CCDC126: variants seen among roughly 807,000 people sequenced by gnomAD.
CCDC126 encodes coiled-coil domain-containing protein 126.
In CCDC126, 5 loss-of-function variants were observed where a neutral mutation model predicts 11.7. The ratio of observed to expected loss-of-function variants is 0.43; its 90% confidence interval spans 0.22 to 0.90. The LOEUF is 0.90. CCDC126 is among the 40% of genes least tolerant of loss of function. CCDC126 has a pLI of 0.27. For missense variants in CCDC126, 150 were observed against 163.1 expected, an observed-to-expected ratio of 0.92 and a Z score of 0.44; for synonymous variants, 60 against 61.9, an observed-to-expected ratio of 0.97 and a Z score of 0.14.
chr7:23,617,145 C>A (rs368303858), intron 3 of CCDC126, among the ~76,000 whole-genome samples: 1 of 151,582 alleles, frequency 6.6e-6, no homozygotes, highest in African/African-American at 2.4e-5. Context: ...GTTAGGAGTT[C>A]GAGACCAGCC....
chr7:23,624,410 T>A (rs1584207910), intron 3 of CCDC126, among the ~76,000 whole-genome samples: 1 of 152,200 alleles, frequency 6.6e-6, no homozygotes, highest in Non-Finnish European at 1.5e-5. Flanking sequence ...CTCAAAGTGC[T>A]GGGATTACAG....
intron 2 of CCDC126, among the ~76,000 whole-genome samples, chr7:23,599,747 T>G (rs1349006595): frequency 2.6e-5 from 4 of 152,042 alleles, no homozygotes; most frequent in African/African-American, 9.7e-5. Flanking sequence ...GTGTGAGCCC[T>G]GGAGCCCGGC....
chr7:23,642,156 C>T (rs1318368986), intron 3 of CCDC126, among the ~76,000 whole-genome samples: 1 of 152,014 alleles, frequency 6.6e-6, no homozygotes, highest in Non-Finnish European at 1.5e-5. Flanking sequence ...GGACCACGGG[C>T]GCATGCCACC....
At chr7:23,602,862 C>T (rs974639685) in intron 2 of CCDC126, among the ~76,000 whole-genome samples, 6 of 151,928 alleles carry the variant, frequency 3.9e-5, no homozygotes, top group Admixed American at 1.3e-4. Context: ...TTTGTTGTCC[C>T]GTTCCTATTA....
At chr7:23,627,193 T>C (rs1483871224) in intron 3 of CCDC126, among the ~76,000 whole-genome samples, 3 of 152,138 alleles carry the variant, frequency 2.0e-5, no homozygotes, top group Non-Finnish European at 4.4e-5. Flanking sequence ...GCTTTCCTCT[T>C]TATCAGTGTA....
At chr7:23,634,165 G>T (rs1783162969) in intron 3 of CCDC126, among the ~76,000 whole-genome samples, 1 of 152,198 alleles carries the variant, frequency 6.6e-6, no homozygotes, top group South Asian at 2.1e-4. Context: ...ATAAAGTACG[G>T]CCAGGCCTGA....
In CCDC126 at chr7:23,611,323, T is replaced by C. The variant is rs767456879; in HGVS notation, c.8T>C (p.Phe3Ser). The change falls in exon 3 of 4, where the codon TTT (phenylalanine) becomes TCT (serine). Residue 3 changes from phenylalanine (F) to serine (S), a missense_variant. Transcript: ENST00000307471. MF[F>S]TISRKNMSQK... is the part of the protein sequence containing the mutation. ...TTGTTTGCTTCTTCAGAAATGTTTTTTACAATCTCAAGAAAAAATATGTCC... is the reference window on the plus strand; with the variant it reads ...TTGTTTGCTTCTTCAGAAATGTTTTCTACAATCTCAAGAAAAAATATGTCC... 2 of 1,605,714 alleles carry C rather than the reference T, an allele frequency of 1.2e-6. No individual in the cohort carries two copies. Among genetic ancestry groups the C allele is most frequent in the South Asian group, 1.1e-5 (1 of 90,742 alleles).
intron 3 of CCDC126, among the ~76,000 whole-genome samples, chr7:23,618,359 C>T (rs929452002): frequency 2.0e-5 from 3 of 152,140 alleles, no homozygotes; most frequent in Non-Finnish European, 4.4e-5. Context: ...CCCAACCCCC[C>T]ATTCTGGGTC....
intron 3 of CCDC126, among the ~76,000 whole-genome samples, chr7:23,611,920 G>T (rs1415560392): frequency 1.3e-5 from 2 of 152,160 alleles, no homozygotes; most frequent in Non-Finnish European, 2.9e-5. Flanking sequence ...GAGGCGGATG[G>T]ATCACGAGGT....
Position 23,643,130 on chromosome 7 carries a change from C to A in CCDC126, c.*15C>A. The A allele has an allele frequency of 1.2e-6, 2 of 1,608,154 alleles. No homozygotes were observed. The highest frequency in any genetic ancestry group is 2.2e-5 in the South Asian group (2 of 90,384). Reference sequence around the variant, plus strand: ...GTATCAGATAGCAGTTGAAAATCACCTTGTGCTGCTCCATCCACTGTGGAT... The same window carrying A: ...GTATCAGATAGCAGTTGAAAATCACATTGTGCTGCTCCATCCACTGTGGAT... On this transcript the variant is annotated 3_prime_UTR_variant, in exon 4 of 4. Coordinates refer to ENST00000307471, the MANE Select transcript of CCDC126 (RefSeq NM_138771.4).
At chr7:23,629,209 C>T (rs1783063732) in intron 3 of CCDC126, among the ~76,000 whole-genome samples, 1 of 152,166 alleles carries the variant, frequency 6.6e-6, no homozygotes, top group Non-Finnish European at 1.5e-5. Flanking sequence ...TAGAAGGTGG[C>T]GTCTTTGGGA....
chr7:23,630,771 A>G (rs982865996), intron 3 of CCDC126, among the ~76,000 whole-genome samples: 1 of 150,838 alleles, frequency 6.6e-6, no homozygotes, highest in Non-Finnish European at 1.5e-5. Context: ...TTACCAAAGT[A>G]GACCTTGTTC....
In CCDC126 at chr7:23,624,429, C is replaced by T. The variant is rs551059194; in HGVS notation, c.238+12876C>T. Reference sequence around the variant, plus strand: ...AAGTGCTGGGATTACAGGCATGAGCCACCCTGGCCAGCCAGATATTATAGA... The same window carrying T: ...AAGTGCTGGGATTACAGGCATGAGCTACCCTGGCCAGCCAGATATTATAGA... On this transcript the variant is annotated intron_variant, in intron 3 of 3. Coordinates refer to ENST00000307471, the MANE Select transcript of CCDC126 (RefSeq NM_138771.4). Among the ~76,000 whole-genome samples, 20 of 152,260 alleles carry T rather than the reference C, an allele frequency of 1.3e-4. No individual in the cohort carries two copies. The East Asian group carries it at 3.5e-3, about 26-fold the overall frequency.
intron 2 of CCDC126, among the ~76,000 whole-genome samples, chr7:23,603,499 G>C (rs1259860671): frequency 1.3e-5 from 2 of 152,192 alleles, no homozygotes; most frequent in Non-Finnish European, 2.9e-5. Context: ...GTGTGGTGTA[G>C]AGAAAACCCT....
intron 3 of CCDC126, among the ~76,000 whole-genome samples, chr7:23,612,523 A>G (rs1374194437): frequency 6.6e-6 from 1 of 150,994 alleles, no homozygotes; most frequent in East Asian, 1.9e-4. Flanking sequence ...GAAAAAAAAA[A>G]TTAGCCAGGC....
chr7:23,605,433 G>GTA (rs1277576670), intron 2 of CCDC126, among the ~76,000 whole-genome samples: 1 of 84,318 alleles, frequency 1.2e-5, no homozygotes, highest in Non-Finnish European at 2.3e-5. Context: ...GTGTGTGTGT[G>GTA]TGTGTGTGTG....
Position 23,611,436 on chromosome 7 carries a change from A to T in CCDC126, c.121A>T (p.Ser41Cys). 1 of 1,613,958 alleles carries T rather than the reference A, an allele frequency of 6.2e-7. No homozygotes were observed. Among genetic ancestry groups the T allele is most frequent in the South Asian group, 1.1e-5 (1 of 91,082 alleles). Reference protein sequence around the residue: ...HYTFQQPRHQSSVKLREQILD... With the variant: ...HYTFQQPRHQCSVKLREQILD... ...TACTTTTCAACAACCAAGACATCAA[A>T]GCAGTGTCAAGTTACGTGAGCAAAT... The change falls in exon 3 of 4, where the codon AGC becomes TGC. Residue 41 changes from serine to cysteine, a missense_variant. By Grantham distance (112) the Ser-to-Cys change is moderately radical. Transcript: ENST00000307471.
intron 3 of CCDC126, among the ~76,000 whole-genome samples, chr7:23,620,207 A>C (rs1257578481): frequency 4.6e-5 from 7 of 152,154 alleles, no homozygotes; most frequent in African/African-American, 2.4e-5. Context: ...AACAGTGTAA[A>C]AGTGTTCCTA....
At chr7:23,631,189 GT>G (rs1342183641) in intron 3 of CCDC126, among the ~76,000 whole-genome samples, 2 of 152,062 alleles carry the variant, frequency 1.3e-5, no homozygotes, top group South Asian at 4.2e-4. Flanking sequence ...AACAAAAACA[GT>G]AGAGAATATC....
Sources: gnomAD v4.1 joint callset for allele counts (sites outside exome capture counted in the v4.1 genomes callset) on GRCh38, gnomAD v4.1.1 for gene constraint, MANE v1.5 for transcripts, NCBI Gene and HGNC (gene_info 2026-07-23, HGNC 2026-07-21) for gene names.